Variants in RNF144A observed in about 807,000 individuals in gnomAD.
RNF144A encodes E3 ubiquitin-protein ligase RNF144A.
A neutral mutation model predicts 38.7 loss-of-function variants in RNF144A; 11 were observed. That is an observed-to-expected ratio of 0.28 (90% CI 0.18 to 0.47). The LOEUF (loss-of-function observed/expected upper bound fraction) is 0.47, where lower values mean the gene tolerates loss of function less well. RNF144A is among the 20% of genes least tolerant of loss of function. The pLI, the probability that RNF144A is intolerant of heterozygous loss-of-function variation, is 0.99. For synonymous variants in RNF144A, 149 were observed against 143.9 expected, an observed-to-expected ratio of 1.04 and a Z score of -0.25; for missense variants, 316 against 377.2, an observed-to-expected ratio of 0.84 and a Z score of 1.34.
At chr2:6,986,857 AT>A (rs1668994527) in intron 2 of RNF144A, among the ~76,000 whole-genome samples, 1 of 152,058 alleles carries the variant, frequency 6.6e-6, no homozygotes. Flanking sequence ...GAATGAGGGA[AT>A]TATCTCTAAA....
At chr2:6,957,676 ATCTC>A (rs1431994726) in intron 2 of RNF144A, among the ~76,000 whole-genome samples, 2 of 152,196 alleles carry the variant, frequency 1.3e-5, no homozygotes, top group Non-Finnish European at 1.5e-5. Flanking sequence ...TGACACTGTA[ATCTC>A]TCTAAATACT....
At chr2:6,920,577 A>T (rs1023698234) in intron 1 of RNF144A, among the ~76,000 whole-genome samples, 2 of 152,184 alleles carry the variant, frequency 1.3e-5, no homozygotes, top group African/African-American at 4.8e-5. Context: ...GCTTCACAGG[A>T]TGTGGGATCT....
At chr2:6,918,829 C>T (rs1398823002) in intron 1 of RNF144A, 1 of 145,650 alleles carries the variant, frequency 6.9e-6, no homozygotes, top group African/African-American at 2.6e-5. Flanking sequence ...CCTGCAGGAT[C>T]AAGGCTGGGG....
At chr2:7,053,465 T>TG (rs1193282046) in intron 6 of RNF144A, among the ~76,000 whole-genome samples, 1 of 152,114 alleles carries the variant, frequency 6.6e-6, no homozygotes, top group Non-Finnish European at 1.5e-5. Context: ...GGAGGCTCAA[T>TG]GGGGGAATTA....
chr2:6,971,667 G>A (rs2103347617), intron 2 of RNF144A, among the ~76,000 whole-genome samples: 1 of 152,258 alleles, frequency 6.6e-6, no homozygotes, highest in East Asian at 1.9e-4. Flanking sequence ...GCTTACCTGG[G>A]CCTTGGAATC....
intron 1 of RNF144A, among the ~76,000 whole-genome samples, chr2:6,928,120 C>T (rs1340691318): frequency 6.6e-6 from 1 of 152,228 alleles, no homozygotes; most frequent in African/African-American, 2.4e-5. Flanking sequence ...GCACGTCCTT[C>T]TTTGTAGCCT....
At chr2:7,016,841 T>G (rs1671171868) in intron 5 of RNF144A, among the ~76,000 whole-genome samples, 1 of 152,124 alleles carries the variant, frequency 6.6e-6, no homozygotes, top group South Asian at 2.1e-4. Flanking sequence ...TCTGAAAACA[T>G]TGAGTTACCA....
At chr2:6,986,486 C>T (rs780156188) in intron 2 of RNF144A, among the ~76,000 whole-genome samples, 5 of 152,136 alleles carry the variant, frequency 3.3e-5, no homozygotes, top group Non-Finnish European at 4.4e-5. Flanking sequence ...CTAAGCCACC[C>T]TCAAGATCAG....
intron 3 of RNF144A, among the ~76,000 whole-genome samples, chr2:7,011,563 A>G (rs1222942223): frequency 2.0e-5 from 3 of 152,196 alleles, no homozygotes; most frequent in African/African-American, 7.2e-5. Flanking sequence ...ACTTTTGTGC[A>G]TGTTTACTGA....
In RNF144A at chr2:6,958,465, G is replaced by C. The variant is rs555344584; in HGVS notation, c.-12+17318G>C. On this transcript the variant is annotated intron_variant, in intron 2 of 8. Transcript: ENST00000320892. The surrounding 1 kb of genome is among the most constrained non-coding windows in gnomAD (Gnocchi z 4.5). ...GGGCCAGATGTCTTAGTGATTCATG[G>C]TGCTCTCAGCATAGACCTTGAGCAA... 2.6e-5 allele frequency among the ~76,000 whole-genome samples: 4 copies of C among 152,240 alleles called. No homozygotes were observed. Among genetic ancestry groups the C allele is most frequent in the Admixed American group, 2.6e-4 (4 of 15,306 alleles).
At chr2:6,929,595 C>T (rs991544104) in intron 1 of RNF144A, among the ~76,000 whole-genome samples, 13 of 152,266 alleles carry the variant, frequency 8.5e-5, no homozygotes, top group African/African-American at 2.4e-4. Flanking sequence ...TTCAAAACCA[C>T]GCATGTCTGT....
At chr2:6,928,645 G>C (rs556230516) in intron 1 of RNF144A, among the ~76,000 whole-genome samples, 1 of 152,164 alleles carries the variant, frequency 6.6e-6, no homozygotes, top group East Asian at 1.9e-4. Flanking sequence ...CCTTTCTGGC[G>C]ACTGCGCATT....
chr2:7,002,672 A>G (rs1670188041), intron 3 of RNF144A, among the ~76,000 whole-genome samples: 1 of 152,210 alleles, frequency 6.6e-6, no homozygotes, highest in South Asian at 2.1e-4. Flanking sequence ...TATAATGGTG[A>G]TCCCATAAGA....
At chr2:7,035,956 C>A (rs1672645748) in intron 8 of RNF144A, among the ~76,000 whole-genome samples, 1 of 152,204 alleles carries the variant, frequency 6.6e-6, no homozygotes, top group Non-Finnish European at 1.5e-5. Flanking sequence ...GCAGAGTCTC[C>A]TGTTAAAGTA....
chr2:6,934,647 C>T (rs1482696714), intron 1 of RNF144A, among the ~76,000 whole-genome samples: 2 of 152,038 alleles, frequency 1.3e-5, no homozygotes, highest in South Asian at 2.1e-4. Flanking sequence ...TTTTTCCCAG[C>T]CTATTTTTTC....
At chr2:6,959,771 C>G (rs1212630926) in intron 2 of RNF144A, among the ~76,000 whole-genome samples, 1 of 152,120 alleles carries the variant, frequency 6.6e-6, no homozygotes, top group Non-Finnish European at 1.5e-5. Context: ...ATGACCCAGT[C>G]ATTTCTTAAA....
chr2:6,990,602 C>CACAG (rs1292153069), intron 2 of RNF144A, among the ~76,000 whole-genome samples: 6 of 149,516 alleles, frequency 4.0e-5, no homozygotes, highest in African/African-American at 1.2e-4. Flanking sequence ...CACACACACA[C>CACAG]AGATATATAG....
intron 2 of RNF144A, among the ~76,000 whole-genome samples, chr2:6,984,229 A>C (rs146358239): frequency 6.6e-6 from 1 of 152,106 alleles, no homozygotes; most frequent in Non-Finnish European, 1.5e-5. Context: ...AAGGGTGGGA[A>C]TATCTGCCTA....
intron 1 of RNF144A, among the ~76,000 whole-genome samples, chr2:6,936,844 AGTGTGTGTGTGT>A (rs55971680): frequency 1.0e-4 from 15 of 144,092 alleles, no homozygotes; most frequent in African/African-American, 2.6e-4. Context: ...CACACACAGT[AGTGTGTGTGTGT>A]GTGTGTGTGT....
Sources: gnomAD v4.1 joint callset for allele counts (sites outside exome capture counted in the v4.1 genomes callset) on GRCh38, gnomAD v4.1.1 for gene constraint, Gnocchi (gnomAD v3.1) non-coding constraint, MANE v1.5 for transcripts, NCBI Gene and HGNC (gene_info 2026-07-23, HGNC 2026-07-21) for gene names.